The following QSOX2 variants were observed in gnomAD, a reference collection of about 807,000 sequenced individuals.
QSOX2 encodes quiescin sulfhydryl oxidase 2.
A neutral mutation model predicts 61.7 loss-of-function variants in QSOX2; 46 were observed. That is an observed-to-expected ratio of 0.75 (90% CI 0.59 to 0.95). The LOEUF is 0.95. QSOX2 is among the 40% of genes least tolerant of loss of function. The probability of loss-of-function intolerance (pLI) is 0.00; values close to 1 mark genes in which losing one functional copy is unlikely to be tolerated. For synonymous variants in QSOX2, 383 were observed against 388.4 expected, an observed-to-expected ratio of 0.99 and a Z score of 0.16; for missense variants, 879 against 918.9, an observed-to-expected ratio of 0.96 and a Z score of 0.56.
intron 8 of QSOX2, 118 bp from the exon 9 acceptor site, chr9:136,216,840 A>G (rs1437349367): frequency 7.8e-7 from 1 of 1,287,584 alleles, no homozygotes; most frequent in African/African-American, 1.5e-5. Context: ...TGAACCTAGG[A>G]TGGGGCCTCT....
At chr9:136,234,345 T>C (rs976530659) in intron 1 of QSOX2, among the ~76,000 whole-genome samples, 8 of 152,168 alleles carry the variant, frequency 5.3e-5, no homozygotes, top group Non-Finnish European at 1.2e-4. Flanking sequence ...ATATACACAT[T>C]TTTGACTGTA....
chr9:136,231,970 G>A (rs370580646), intron 1 of QSOX2, among the ~76,000 whole-genome samples: 67 of 149,940 alleles, frequency 4.5e-4, no homozygotes, highest in Non-Finnish European at 7.7e-4. Context: ...TCCCAGCGAA[G>A]AGAAACCTCT....
chr9:136,243,892 T>A (rs778898287), intron 1 of QSOX2, among the ~76,000 whole-genome samples: 17 of 152,114 alleles, frequency 1.1e-4, no homozygotes. Context: ...GCTTACTGAG[T>A]TGAGTTCATC....
At position 136,208,959 on chromosome 9, in the gene QSOX2, T is replaced by C. The variant is rs9696116; in HGVS notation, c.1866A>G (p.Pro622=). The change falls in exon 12 of 12, where the codon CCA becomes CCG. Residue 622 remains proline, a synonymous_variant. Transcript: ENST00000358701. ...CGTCCAAGCTGTGATGCAAGCTCTC[T>C]GGAAGGGCAGGCCTGGGGCCCAGTG... ...PGALGPRPAL[P]ESLHHSLDGK... 462,749 of 1,613,360 alleles carry C rather than the reference T, an allele frequency of 0.29. 70,072 individuals are homozygous for C. Among genetic ancestry groups the C allele is most frequent in the Non-Finnish European group, 0.31 (371,541 of 1,179,588 alleles).
intron 9 of QSOX2, 52 bp from the exon 10 acceptor site, chr9:136,215,356 A>G (rs752381950): frequency 7.0e-7 from 1 of 1,424,232 alleles, no homozygotes. Flanking sequence ...TAATTGTTGA[A>G]ATTAAAAACA....
intron 1 of QSOX2, among the ~76,000 whole-genome samples, chr9:136,234,917 G>A (rs1830366916): frequency 6.6e-6 from 1 of 150,624 alleles, no homozygotes; most frequent in South Asian, 2.1e-4. Flanking sequence ...TGTCTGGACT[G>A]TGTGACCCCC....
intron 1 of QSOX2, among the ~76,000 whole-genome samples, chr9:136,231,283 G>A (rs1375844755): frequency 1.3e-5 from 2 of 152,144 alleles, no homozygotes; most frequent in African/African-American, 2.4e-5. Flanking sequence ...ACCAGAATAC[G>A]CCCCCATCCT....
Position 136,222,035 on chromosome 9 carries a change from A to T in QSOX2, c.676-94T>A. The T allele has an allele frequency of 7.7e-7, 1 of 1,306,994 alleles. No homozygotes were observed. Among genetic ancestry groups the T allele is most frequent in the Non-Finnish European group, 1.0e-6 (1 of 974,302 alleles). The allele number at this position is 1,306,994 out of a possible 1,614,324, so 81.0% of individuals were successfully genotyped here. A position where few individuals can be genotyped will look rare whatever the true frequency, so the allele number is the denominator to read the frequency against. On this transcript the variant is annotated intron_variant, in intron 5 of 11. Transcript: ENST00000358701. This position sits in a 1 kb window ranked among gnomAD's most constrained non-coding sequence, Gnocchi z 6.9. ...CACATGGCCTTGCAGGGAACCTTTC[A>T]CAAAAGGGCATGAAGTCTGTCCCCC...
intron 1 of QSOX2, among the ~76,000 whole-genome samples, chr9:136,239,132 GTTTC>G (rs551573409): frequency 2.5e-3 from 377 of 152,334 alleles, no homozygotes; most frequent in African/African-American, 8.6e-3. Context: ...GGCCACTCCA[GTTTC>G]TTTCTAATTG....
At chr9:136,217,381 G>A (rs1831927198) in intron 8 of QSOX2, among the ~76,000 whole-genome samples, 1 of 152,190 alleles carries the variant, frequency 6.6e-6, no homozygotes, top group African/African-American at 2.4e-5. Flanking sequence ...TCTCACGGGT[G>A]GCAATGCCAG....
chr9:136,224,177 C>A, intron 3 of QSOX2, 65 bp from the exon 4 acceptor site: 2 of 1,282,644 alleles, frequency 1.6e-6, no homozygotes, highest in South Asian at 1.3e-5. Context: ...GGCATACACC[C>A]AGGGACAGCA....
At position 136,245,728 on chromosome 9, in the gene QSOX2, G is replaced by A. The variant is rs1830469273; in HGVS notation, c.76C>T (p.Pro26Ser). 4 of 1,142,426 alleles carry A rather than the reference G, an allele frequency of 3.5e-6. No individual in the cohort carries two copies. Among genetic ancestry groups the A allele is most frequent in the Non-Finnish European group, 3.2e-6 (3 of 931,484 alleles). 70.8% of individuals were successfully genotyped at this position (1,142,426 alleles called of 1,614,324 possible). A position where few individuals can be genotyped will look rare whatever the true frequency, so the allele number is the denominator to read the frequency against. Residue 26 changes from proline to serine, a missense_variant, in exon 1 of 12, where the codon CCC (proline) becomes TCC (serine). Transcript: ENST00000358701. ...AGPALRARRSPPPRAARLPRL... is the reference protein window; with the variant it reads ...AGPALRARRSSPPRAARLPRL... Reference sequence around the variant, plus strand: ...GGCAGCCGTGCGGCCCGCGGCGGGGGCGAGCGCCGGGCTCTCAGCGCAGGT... The same window carrying A: ...GGCAGCCGTGCGGCCCGCGGCGGGGACGAGCGCCGGGCTCTCAGCGCAGGT...
At chr9:136,229,875 G>C (rs76344223) in intron 1 of QSOX2, among the ~76,000 whole-genome samples, 1,941 of 152,270 alleles carry the variant, frequency 0.013, 52 homozygotes, top group South Asian at 0.11. Context: ...GTAGATCTTG[G>C]TACAAGGTGG....
chr9:136,241,967 G>C (rs1483396589), intron 1 of QSOX2, among the ~76,000 whole-genome samples: 1 of 152,234 alleles, frequency 6.6e-6, no homozygotes, highest in African/African-American at 2.4e-5. Context: ...GCATTTCGGA[G>C]ATCTCACCGG....
At chr9:136,212,454 C>T (rs1188266905) in intron 10 of QSOX2, among the ~76,000 whole-genome samples, 7 of 152,266 alleles carry the variant, frequency 4.6e-5, no homozygotes, top group African/African-American at 2.4e-5. Context: ...AACACAGCTG[C>T]GTGCAGGCCC....
intron 10 of QSOX2, among the ~76,000 whole-genome samples, chr9:136,212,719 C>T (rs1377721149): frequency 1.3e-5 from 2 of 152,240 alleles, no homozygotes; most frequent in Non-Finnish European, 2.9e-5. Context: ...CCCACATCAC[C>T]GCAGGCGCGG....
Position 136,221,970 on chromosome 9 carries a change from C to A in QSOX2, c.676-29G>T. 6.5e-7 allele frequency: 1 copy of A among 1,534,428 alleles called. No individual in the cohort carries two copies. The highest frequency in any genetic ancestry group is 1.3e-5 in the South Asian group (1 of 79,602). ...GGGGATGAGAACACAATGACACTTCCACAGGGGCTGGCAGTTTCTCAGAAA... is the reference window on the plus strand; with the variant it reads ...GGGGATGAGAACACAATGACACTTCAACAGGGGCTGGCAGTTTCTCAGAAA... On this transcript the variant is annotated intron_variant, in intron 5 of 11. Coordinates refer to ENST00000358701, the MANE Select transcript of QSOX2 (RefSeq NM_181701.4). The surrounding 1 kb of genome is among the most constrained non-coding windows in gnomAD (Gnocchi z 4.5).
At chr9:136,243,055 G>A (rs1386660744) in intron 1 of QSOX2, among the ~76,000 whole-genome samples, 1 of 152,198 alleles carries the variant, frequency 6.6e-6, no homozygotes, top group Non-Finnish European at 1.5e-5. Flanking sequence ...TGACCAGCGT[G>A]ATGAAACAGA....
At chr9:136,243,613 G>A (rs992936947) in intron 1 of QSOX2, among the ~76,000 whole-genome samples, 3 of 152,232 alleles carry the variant, frequency 2.0e-5, no homozygotes, top group Non-Finnish European at 4.4e-5. Context: ...TGACTGCCTA[G>A]AGCACACTTT....
Sources: allele counts gnomAD v4.1 joint callset (sites outside exome capture counted in the v4.1 genomes callset), GRCh38; gene constraint gnomAD v4.1.1; non-coding constraint Gnocchi (gnomAD v3.1); transcripts MANE v1.5; gene names NCBI Gene and HGNC (gene_info 2026-07-23, HGNC 2026-07-21).